DLG1: variants seen among roughly 807,000 people sequenced by gnomAD.
DLG1 encodes discs large MAGUK scaffold protein 1, also known as disks large homolog 1.
Under a neutral mutation model 123.4 loss-of-function variants are expected in DLG1, and 42 were observed. That is an observed-to-expected ratio of 0.34 (90% CI 0.27 to 0.44). The LOEUF (loss-of-function observed/expected upper bound fraction) is 0.44, where lower values mean the gene tolerates loss of function less well. DLG1 is among the 20% of genes least tolerant of loss of function. DLG1 has a pLI of 1.00. For synonymous variants in DLG1, 317 were observed against 356.2 expected (o/e 0.89, Z 1.24); for missense variants, 942 against 1,082.6 (o/e 0.87, Z 1.82).
At chr3:197,187,297 C>T (rs988614303) in intron 5 of DLG1, among the ~76,000 whole-genome samples, 11 of 152,120 alleles carry the variant, frequency 7.2e-5, no homozygotes, top group African/African-American at 2.7e-4. Flanking sequence ...TCATTATATA[C>T]TAGAAACAGG....
intron 5 of DLG1, among the ~76,000 whole-genome samples, chr3:197,153,583 CATT>C (rs889862939): frequency 6.6e-6 from 1 of 152,212 alleles, no homozygotes; most frequent in Non-Finnish European, 1.5e-5. Flanking sequence ...ACCTCCTCCT[CATT>C]GTTGGAAACC....
In DLG1 at chr3:197,044,658, A is replaced by C; in HGVS notation, c.2647T>G (p.Ser883Ala). The stretch of plus-strand genomic sequence containing the variant: ...TCTTTTGCCGGAACCCAGATGTAAG[A>C]ACCAGATTGTTCTTCTATGATCTGT... Reference protein sequence around the residue: ...VKQIIEEQSGSYIWVPAKEKL With the variant: ...VKQIIEEQSGAYIWVPAKEKL Residue 883 changes from serine (S) to alanine (A), a missense_variant, in exon 25 of 25, where the codon TCT becomes GCT. Physicochemically the swap from Ser to Ala is moderately conservative, Grantham distance 99. Coordinates refer to ENST00000667157, the MANE Select transcript of DLG1 (RefSeq NM_001366207.1). 6.2e-7 allele frequency: 1 copy of C among 1,610,144 alleles called. No individual in the cohort carries two copies. Among genetic ancestry groups the C allele is most frequent in the Non-Finnish European group, 8.5e-7 (1 of 1,177,730 alleles).
intron 23 of DLG1, among the ~76,000 whole-genome samples, chr3:197,054,527 T>G (rs188210935): frequency 4.9e-4 from 74 of 152,382 alleles, no homozygotes; most frequent in African/African-American, 1.7e-3. Context: ...CCTGAATCCC[T>G]GTAGTGAATT....
intron 4 of DLG1, among the ~76,000 whole-genome samples, chr3:197,256,431 C>G (rs533689660): frequency 6.6e-6 from 1 of 152,378 alleles, no homozygotes; most frequent in Admixed American, 6.5e-5. Flanking sequence ...CAGTACTTCA[C>G]ACACAGTAGG....
chr3:197,154,355 A>T (rs866773632), intron 5 of DLG1, among the ~76,000 whole-genome samples: 1 of 151,894 alleles, frequency 6.6e-6, no homozygotes, highest in Non-Finnish European at 1.5e-5. Context: ...CCTGATAGCA[A>T]ATCTACTAGA....
At chr3:197,150,837 A>T (rs1229097303) in intron 5 of DLG1, among the ~76,000 whole-genome samples, 3 of 152,124 alleles carry the variant, frequency 2.0e-5, no homozygotes, top group Non-Finnish European at 2.9e-5. Flanking sequence ...ATGCTTAAAG[A>T]CAACCTAGTT....
Position 197,112,862 on chromosome 3 carries a change from C to G in DLG1, c.1443+3065G>C, listed in dbSNP as rs1014271257. The stretch of plus-strand genomic sequence containing the variant: ...CCACCTGCCTCAGCCTCCTGAGTTA[C>G]TGGGATTATAAGCAAGAGTCACGTC... On this transcript the variant is annotated intron_variant, in intron 13 of 24. Transcript: ENST00000667157. 1.8e-4 allele frequency among the ~76,000 whole-genome samples: 28 copies of G among 152,284 alleles called. 1 individual carries two copies. The highest frequency in any genetic ancestry group is 3.4e-3 in the Middle Eastern group (1 of 294).
chr3:197,172,806 CTCTA>C (rs1458596711), intron 5 of DLG1, among the ~76,000 whole-genome samples: 2 of 152,312 alleles, frequency 1.3e-5, no homozygotes, highest in South Asian at 2.1e-4. Flanking sequence ...TCATGTTGTT[CTCTA>C]TCTAGCAATA....
chr3:197,280,914 G>A (rs907861503), intron 4 of DLG1, among the ~76,000 whole-genome samples: 1 of 152,090 alleles, frequency 6.6e-6, no homozygotes, highest in Non-Finnish European at 1.5e-5. Context: ...TCTGGAGGCT[G>A]GGAAGTCCAA....
intron 4 of DLG1, among the ~76,000 whole-genome samples, chr3:197,269,910 ATATTG>A (rs1488984978): frequency 6.6e-6 from 1 of 152,226 alleles, no homozygotes; most frequent in Non-Finnish European, 1.5e-5. Context: ...TAAAATATTA[ATATTG>A]TAAACTATTA....
chr3:197,065,903 ATGAC>A (rs1739206635), intron 20 of DLG1, 94 bp from the exon 21 acceptor site: 4 of 775,390 alleles, frequency 5.2e-6, no homozygotes, highest in African/African-American at 3.5e-5. Context: ...CTTAACTGTT[ATGAC>A]TAATTTTTTT....
intron 4 of DLG1, among the ~76,000 whole-genome samples, chr3:197,207,269 T>C (rs1407124370): frequency 1.3e-5 from 2 of 152,062 alleles, no homozygotes; most frequent in Non-Finnish European, 2.9e-5. Flanking sequence ...TAATAAGCAA[T>C]TAGATGGTAC....
intron 4 of DLG1, among the ~76,000 whole-genome samples, chr3:197,249,779 A>G (rs900033750): frequency 6.6e-6 from 1 of 152,226 alleles, no homozygotes; most frequent in African/African-American, 2.4e-5. Context: ...ACCAATAAAC[A>G]TGATACATCA....
At chr3:197,175,751 A>T (rs1806678579) in intron 5 of DLG1, among the ~76,000 whole-genome samples, 1 of 152,208 alleles carries the variant, frequency 6.6e-6, no homozygotes, top group Non-Finnish European at 1.5e-5. Flanking sequence ...CTTACAGTTT[A>T]GTGGCTGACA....
At chr3:197,095,549 T>A (rs1760163216) in intron 14 of DLG1, among the ~76,000 whole-genome samples, 2 of 152,302 alleles carry the variant, frequency 1.3e-5, no homozygotes, top group Non-Finnish European at 2.9e-5. Context: ...GGCAGGAATA[T>A]CACAAATGTT....
At chr3:197,069,292 A>G (rs1741916566) in intron 18 of DLG1, 32 bp from the exon 19 acceptor site, 1 of 1,516,058 alleles carries the variant, frequency 6.6e-7, no homozygotes, top group Non-Finnish European at 9.0e-7. Context: ...AAAAAATAAA[A>G]CAGTGTCATG....
chr3:197,050,321 T>C (rs564992259), intron 24 of DLG1, among the ~76,000 whole-genome samples: 146 of 150,058 alleles, frequency 9.7e-4, no homozygotes, highest in Non-Finnish European at 1.9e-3. Context: ...GAGCCGAGAT[T>C]GCGCCACTGC....
chr3:197,278,115 T>C (rs1172681701), intron 4 of DLG1, among the ~76,000 whole-genome samples: 2 of 151,474 alleles, frequency 1.3e-5, no homozygotes, highest in Non-Finnish European at 2.9e-5. Flanking sequence ...TGAAACCCCA[T>C]CTCTACAAAA....
At chr3:197,070,565 A>ACTTCTTTTTTTTTTTTTTTTTT (rs535594183) in intron 18 of DLG1, 1 of 76,190 alleles carries the variant, frequency 1.3e-5, no homozygotes, top group African/African-American at 4.7e-5. Context: ...TGGAAATTTC[A>ACTTCTTTTTTTTTTTTTTTTTT]TTTTTTTTTT....
Sources: allele counts gnomAD v4.1 joint callset (sites outside exome capture counted in the v4.1 genomes callset), GRCh38; gene constraint gnomAD v4.1.1; transcripts MANE v1.5; gene names NCBI Gene and HGNC (gene_info 2026-07-23, HGNC 2026-07-21).